SREK1IP1: variants seen among roughly 807,000 people sequenced by gnomAD.
SREK1IP1 encodes the protein protein SREK1IP1.
Under a neutral mutation model 22.8 loss-of-function variants are expected in SREK1IP1, and 12 were observed. The ratio of observed to expected loss-of-function variants is 0.53; its 90% CI spans 0.34 to 0.85. SREK1IP1 has a LOEUF of 0.85. Among genes scored for constraint, SREK1IP1 ranks in the 40% least tolerant of loss-of-function variants. The pLI, the probability that SREK1IP1 is intolerant of heterozygous loss-of-function variation, is 0.02. For synonymous variants in SREK1IP1, 53 were observed against 52.7 expected (o/e 1.01, Z -0.02); for missense variants, 147 against 171.8 (o/e 0.86, Z 0.81).
At chr5:64,741,266 T>C in intron 2 of SREK1IP1, 66 bp from the exon 3 acceptor site, 3 of 1,452,044 alleles carry the variant, frequency 2.1e-6, no homozygotes, top group Non-Finnish European at 2.8e-6. Context: ...TTTTTGTATG[T>C]TTTGCTGCCT....
In SREK1IP1 at chr5:64,724,499, T is replaced by TTCTTTTC; in HGVS notation, c.346_352dup (p.Lys118ArgfsTer9). On this transcript the variant is annotated frameshift_variant, in exon 5 of 5. Coordinates refer to ENST00000513458, the MANE Select transcript of SREK1IP1 (RefSeq NM_173829.4). LOFTEE classifies it high-confidence loss of function. Reference sequence around the variant, plus strand: ...TTTTGATTTACTCTTTTTTTCTTTTTTCTTTTCTTTCTTCTGATATTTTTG... The same window carrying TTCTTTTC: ...TTTTGATTTACTCTTTTTTTCTTTTTTCTTTTCTCTTTTCTTTCTTCTGATATTTTTG... 2.5e-6 allele frequency: 4 copies of TTCTTTTC among 1,592,242 alleles called. No homozygotes were observed. Among genetic ancestry groups the TTCTTTTC allele is most frequent in the Non-Finnish European group, 3.4e-6 (4 of 1,174,452 alleles).
At chr5:64,735,373 G>C (rs1020098399) in intron 3 of SREK1IP1, among the ~76,000 whole-genome samples, 7 of 151,868 alleles carry the variant, frequency 4.6e-5, no homozygotes, top group Admixed American at 3.3e-4. Context: ...TTTGTTATAA[G>C]GGTAATGCTG....
chr5:64,744,942 G>C (rs1346929706), intron 2 of SREK1IP1, among the ~76,000 whole-genome samples: 1 of 152,194 alleles, frequency 6.6e-6, no homozygotes, highest in Non-Finnish European at 1.5e-5. Flanking sequence ...CTTTCAGTGA[G>C]TGAAATTTTT....
At chr5:64,740,412 C>T (rs550765079) in intron 3 of SREK1IP1, among the ~76,000 whole-genome samples, 3 of 152,062 alleles carry the variant, frequency 2.0e-5, no homozygotes, top group Non-Finnish European at 2.9e-5. Flanking sequence ...GAAAATGTAA[C>T]TATCCAAGCA....
intron 2 of SREK1IP1, among the ~76,000 whole-genome samples, chr5:64,746,220 A>G (rs1160988795): frequency 6.6e-6 from 1 of 152,198 alleles, no homozygotes; most frequent in Admixed American, 6.5e-5. Flanking sequence ...AAAATTAACT[A>G]AAAATGGGTC....
intron 1 of SREK1IP1, among the ~76,000 whole-genome samples, chr5:64,759,076 G>C (rs560776861): frequency 2.0e-5 from 3 of 152,182 alleles, no homozygotes; most frequent in Non-Finnish European, 4.4e-5. Context: ...TCAGGATCCA[G>C]TTTCCAGGGG....
chr5:64,735,127 T>C (rs1742438694), intron 3 of SREK1IP1, among the ~76,000 whole-genome samples: 1 of 150,958 alleles, frequency 6.6e-6, no homozygotes, highest in Non-Finnish European at 1.5e-5. Context: ...TATGATGGAC[T>C]TGCTGAATAA....
At position 64,720,899 on chromosome 5, in the gene SREK1IP1, A is replaced by C. The variant is rs970347233; in HGVS notation, c.*3485T>G. The C allele has an allele frequency of 2.0e-5, 3 of 152,248 alleles. No individual in the cohort carries two copies. Among genetic ancestry groups the C allele is most frequent in the African/African-American group, 7.2e-5 (3 of 41,452 alleles). The allele number at this position is 152,248 out of a possible 1,614,324, so 9.4% of individuals were successfully genotyped here. A position where few individuals can be genotyped will look rare whatever the true frequency, so the allele number is the denominator to read the frequency against. Reference sequence around the variant, plus strand: ...CACACGACTCCTTCCTCCTGTTCCTAAGAACTTAAAATGGTAGTCTCAATT... The same window carrying C: ...CACACGACTCCTTCCTCCTGTTCCTCAGAACTTAAAATGGTAGTCTCAATT... On this transcript the variant is annotated 3_prime_UTR_variant, in exon 5 of 5. Coordinates refer to ENST00000513458, the MANE Select transcript of SREK1IP1 (RefSeq NM_173829.4).
At chr5:64,730,554 G>A (rs908134465) in intron 3 of SREK1IP1, among the ~76,000 whole-genome samples, 9 of 152,106 alleles carry the variant, frequency 5.9e-5, no homozygotes, top group Non-Finnish European at 1.2e-4. Flanking sequence ...AGGAAGGACA[G>A]TCCTTCCATT....
Position 64,721,240 on chromosome 5 carries a change from A to G in SREK1IP1, c.*3144T>C, listed in dbSNP as rs1159220851. 6.6e-6 allele frequency: 1 copy of G among 152,256 alleles called. No individual in the cohort carries two copies. Among genetic ancestry groups the G allele is most frequent in the Non-Finnish European group, 1.5e-5 (1 of 68,048 alleles). 9.4% of individuals were successfully genotyped at this position (152,256 alleles called of 1,614,324 possible). On this transcript the variant is annotated 3_prime_UTR_variant, in exon 5 of 5. Coordinates refer to ENST00000513458, the MANE Select transcript of SREK1IP1 (RefSeq NM_173829.4). ...GTTTCTCCTACCAACTACACTGTGA[A>G]GTCCTTCAGGGAGGCAAATGTGTCT...
chr5:64,745,359 G>A (rs1030975161), intron 2 of SREK1IP1, among the ~76,000 whole-genome samples: 19 of 152,182 alleles, frequency 1.2e-4, no homozygotes, highest in African/African-American at 4.1e-4. Context: ...GGGAGGCTGA[G>A]GCAGGTGGAT....
Position 64,724,487 on chromosome 5 carries a change from TTTTTTTC to T in SREK1IP1, c.358_364del (p.Glu120ArgfsTer36), listed in dbSNP as rs775636247. ...ATGTTTCCCTTTTTTTGATTTACTC[TTTTTTTC>T]TTTTTTCTTTTCTTTCTTCTGATAT... On this transcript the variant is annotated frameshift_variant, in exon 5 of 5. Coordinates refer to ENST00000513458, the MANE Select transcript of SREK1IP1 (RefSeq NM_173829.4). LOFTEE classifies it high-confidence loss of function. 24 of 1,591,446 alleles carry T rather than the reference TTTTTTTC, an allele frequency of 1.5e-5. No homozygotes were observed. The African/African-American group carries it at 3.0e-4, about 20-fold the overall frequency.
chr5:64,739,213 T>C (rs1380312204), intron 3 of SREK1IP1, among the ~76,000 whole-genome samples: 1 of 152,164 alleles, frequency 6.6e-6, no homozygotes, highest in African/African-American at 2.4e-5. Context: ...GTGAAGTATT[T>C]CCTAGACTAA....
chr5:64,722,830 A>T lies in SREK1IP1; in HGVS notation c.*1554T>A, dbSNP rs1742194515. The T allele has an allele frequency of 6.6e-6, 1 of 152,240 alleles. No individual in the cohort carries two copies. The highest frequency in any genetic ancestry group is 2.4e-5 in the African/African-American group (1 of 41,468). The allele number at this position is 152,240 out of a possible 1,614,324, so 9.4% of individuals were successfully genotyped here. The stretch of plus-strand genomic sequence containing the variant: ...CCCTAGAATTTAAGCATGGGTAAGC[A>T]TATGTTAAGAGGAGTTATAAGGCTC... On this transcript the variant is annotated 3_prime_UTR_variant, in exon 5 of 5. Coordinates refer to ENST00000513458, the MANE Select transcript of SREK1IP1 (RefSeq NM_173829.4).
chr5:64,731,319 G>C (rs1295264324), intron 3 of SREK1IP1, among the ~76,000 whole-genome samples: 2 of 151,800 alleles, frequency 1.3e-5, no homozygotes, highest in African/African-American at 4.8e-5. Context: ...TTCGAAACCA[G>C]CCTGGTCAAC....
intron 3 of SREK1IP1, among the ~76,000 whole-genome samples, chr5:64,740,501 AC>A (rs2112096568): frequency 6.6e-6 from 1 of 152,288 alleles, no homozygotes; most frequent in South Asian, 2.1e-4. Context: ...AATATTGATC[AC>A]AGTGGGTTAT....
At chr5:64,737,220 G>C (rs1742479380) in intron 3 of SREK1IP1, among the ~76,000 whole-genome samples, 1 of 151,892 alleles carries the variant, frequency 6.6e-6, no homozygotes, top group Admixed American at 6.6e-5. Context: ...TAAGAAGATT[G>C]GAATCATATT....
intron 1 of SREK1IP1, among the ~76,000 whole-genome samples, chr5:64,759,778 G>C (rs1361238375): frequency 6.6e-6 from 1 of 152,122 alleles, no homozygotes; most frequent in East Asian, 1.9e-4. Context: ...CAGGTAAAAT[G>C]TACACTAAAA....
intron 2 of SREK1IP1, among the ~76,000 whole-genome samples, chr5:64,754,090 C>G (rs995167474): frequency 6.6e-6 from 1 of 152,176 alleles, no homozygotes; most frequent in African/African-American, 2.4e-5. Context: ...CTTCATGCTA[C>G]TTTTGGTAGT....
Sources: gnomAD v4.1 joint callset for allele counts (sites outside exome capture counted in the v4.1 genomes callset) on GRCh38, gnomAD v4.1.1 for gene constraint, MANE v1.5 for transcripts, NCBI Gene and HGNC (gene_info 2026-07-23, HGNC 2026-07-21) for gene names.